Variants in DLGAP1 observed in about 807,000 individuals in gnomAD.
DLGAP1 encodes disks large-associated protein 1.
Under a neutral mutation model 90.8 loss-of-function variants are expected in DLGAP1, and 11 were observed. That is an observed-to-expected ratio of 0.12 (90% CI 0.08 to 0.20). The LOEUF (loss-of-function observed/expected upper bound fraction) is 0.20, where lower values mean the gene tolerates loss of function less well. DLGAP1 is among the 10% of genes least tolerant of loss of function. The pLI is 1.00. For synonymous variants in DLGAP1, 558 were observed against 540.7 expected, an observed-to-expected ratio of 1.03 and a Z score of -0.44; for missense variants, 1,050 against 1,333.8, an observed-to-expected ratio of 0.79 and a Z score of 3.31.
chr18:3,824,949 C>T (rs975362172), intron 4 of DLGAP1, among the ~76,000 whole-genome samples: 1 of 152,222 alleles, frequency 6.6e-6, no homozygotes, highest in Non-Finnish European at 1.5e-5. Context: ...TCCTCATGCA[C>T]ATGTGTGATT....
chr18:3,948,747 C>T (rs879653888), intron 3 of DLGAP1, among the ~76,000 whole-genome samples: 4 of 151,972 alleles, frequency 2.6e-5, no homozygotes, highest in Non-Finnish European at 5.9e-5. Flanking sequence ...AAGAATGATA[C>T]AATGGACTTG....
In DLGAP1 at chr18:4,227,540, G is replaced by A. The variant is rs367707755; in HGVS notation, c.-266-76253C>T. ...TGTAATAAAACTAGAAATCAATAAT[G>A]AGAAATTTTTAAAACTATGCAAACA... On this transcript the variant is annotated intron_variant, in intron 1 of 12. Coordinates refer to ENST00000315677, the MANE Select transcript of DLGAP1 (RefSeq NM_004746.4). 2.2e-3 allele frequency among the ~76,000 whole-genome samples: 327 copies of A among 151,886 alleles called. 2 individuals carry two copies. Among genetic ancestry groups the A allele is most frequent in the African/African-American group, 7.7e-3 (318 of 41,482 alleles).
chr18:4,241,999 T>C (rs2078544830), intron 1 of DLGAP1, among the ~76,000 whole-genome samples: 4 of 152,226 alleles, frequency 2.6e-5, no homozygotes, highest in Admixed American at 2.6e-4. Flanking sequence ...GTCATTTATC[T>C]GGGATGGTCA....
intron 7 of DLGAP1, among the ~76,000 whole-genome samples, chr18:3,681,634 T>C (rs942854725): frequency 1.3e-5 from 2 of 152,194 alleles, no homozygotes; most frequent in African/African-American, 4.8e-5. Context: ...AGCTGTGTGA[T>C]TACTAAGAGA....
Position 4,318,626 on chromosome 18 carries a change from G to A in DLGAP1, c.-267+136380C>T, listed in dbSNP as rs144468176. ...TTCCATCTTGAGAAAAAGAAATCAG[G>A]GATAGCAAGGTCTCCTTTATTTATT... On this transcript the variant is annotated intron_variant, in intron 1 of 12. Transcript: ENST00000315677. Among the ~76,000 whole-genome samples the A allele has an allele frequency of 2.7e-3, 412 of 151,982 alleles. 1 individual carries two copies. The highest frequency in any genetic ancestry group is 3.9e-3 in the Non-Finnish European group (264 of 67,978).
chr18:4,287,862 T>A (rs2079739295), intron 1 of DLGAP1, among the ~76,000 whole-genome samples: 1 of 150,970 alleles, frequency 6.6e-6, no homozygotes, highest in South Asian at 2.1e-4. Context: ...ATAAGAAAAA[T>A]TTTAAAAAAT....
chr18:3,987,233 C>T (rs1599273745), intron 3 of DLGAP1, among the ~76,000 whole-genome samples: 3 of 152,116 alleles, frequency 2.0e-5, no homozygotes, highest in Non-Finnish European at 2.9e-5. Flanking sequence ...GGGGAGATTG[C>T]TAATAGATAG....
rs76138039 is a variant in DLGAP1 at position 3,961,997 on chromosome 18, C to T, written c.-73+43119G>A. Among the ~76,000 whole-genome samples the T allele has an allele frequency of 2.4e-3, 366 of 152,168 alleles. 2 individuals carry two copies. The highest frequency in any genetic ancestry group is 8.3e-3 in the African/African-American group (343 of 41,502). On this transcript the variant is annotated intron_variant, in intron 3 of 12. Transcript: ENST00000315677. ...CACATACAGTAAAGGATCCCTTCGCCGTGTATTAACAGGTCATGGGCAACA... is the reference window on the plus strand; with the variant it reads ...CACATACAGTAAAGGATCCCTTCGCTGTGTATTAACAGGTCATGGGCAACA...
intron 3 of DLGAP1, among the ~76,000 whole-genome samples, chr18:3,980,188 G>C (rs2073695075): frequency 6.6e-6 from 1 of 152,042 alleles, no homozygotes; most frequent in African/African-American, 2.4e-5. Context: ...AAACAAAAAA[G>C]ATAATGGGAG....
rs914356831 is a variant in DLGAP1, at chr18:3,497,681, T to C, written c.*1504A>G. 2 of 152,262 alleles carry C rather than the reference T, an allele frequency of 1.3e-5. No homozygotes were observed. The highest frequency in any genetic ancestry group is 4.8e-5 in the African/African-American group (2 of 41,464). 9.4% of individuals were successfully genotyped at this position (152,262 alleles called of 1,614,324 possible). A position where few individuals can be genotyped will look rare whatever the true frequency, so the allele number is the denominator to read the frequency against. On this transcript the variant is annotated 3_prime_UTR_variant, in exon 13 of 13. Coordinates refer to ENST00000315677, the MANE Select transcript of DLGAP1 (RefSeq NM_004746.4). ...TTAGCTGGACATAAAATGCCATTGA[T>C]ACTTAAGATTGCCACATCCTAAGTG...
At chr18:3,999,345 G>A (rs1490728126) in intron 3 of DLGAP1, among the ~76,000 whole-genome samples, 1 of 151,942 alleles carries the variant, frequency 6.6e-6, no homozygotes, top group Non-Finnish European at 1.5e-5. Context: ...GCTTTGTTAG[G>A]TAATCTGGAA....
intron 1 of DLGAP1, among the ~76,000 whole-genome samples, chr18:4,185,906 T>C (rs575673819): frequency 6.6e-6 from 1 of 152,288 alleles, no homozygotes; most frequent in South Asian, 2.1e-4. Flanking sequence ...CCAGCAACAG[T>C]GTATTAGCAT....
chr18:4,271,247 T>G, intron 1 of DLGAP1, among the ~76,000 whole-genome samples: 1 of 152,284 alleles, frequency 6.6e-6, no homozygotes, highest in South Asian at 2.1e-4. Flanking sequence ...AGGACCAATA[T>G]TTTTGAAGCT....
chr18:3,981,923 C>T (rs2073739386), intron 3 of DLGAP1, among the ~76,000 whole-genome samples: 1 of 152,164 alleles, frequency 6.6e-6, no homozygotes, highest in Non-Finnish European at 1.5e-5. Context: ...TGTCTTATGA[C>T]AACTCTTCTG....
At chr18:3,543,271 C>T (rs1483647477) in intron 9 of DLGAP1, among the ~76,000 whole-genome samples, 5 of 149,614 alleles carry the variant, frequency 3.3e-5, no homozygotes, top group African/African-American at 1.2e-4. Flanking sequence ...CCCGCGTTCA[C>T]GCCATTCTCC....
At chr18:3,872,557 A>C (rs2070819748) in intron 4 of DLGAP1, among the ~76,000 whole-genome samples, 1 of 152,222 alleles carries the variant, frequency 6.6e-6, no homozygotes, top group South Asian at 2.1e-4. Flanking sequence ...TTGTCTTTGA[A>C]CCTAAACCCA....
rs946817753 is a variant in DLGAP1, at chr18:3,568,897, A to G, written c.1966-1316T>C. Among the ~76,000 whole-genome samples, 11 of 151,858 alleles carry G rather than the reference A, an allele frequency of 7.2e-5. No individual in the cohort carries two copies. The East Asian group carries it at 7.8e-4, about 11-fold the overall frequency. The stretch of plus-strand genomic sequence containing the variant: ...GAGACGGGGTTTCACTGTGTTAGCC[A>G]GGATGGTCTCGATCTCCTGACCTCG... On this transcript the variant is annotated intron_variant, in intron 8 of 12. Coordinates refer to ENST00000315677, the MANE Select transcript of DLGAP1 (RefSeq NM_004746.4).
At chr18:3,848,127 C>CAAAAAAAAAAAAAA (rs3862177) in intron 4 of DLGAP1, among the ~76,000 whole-genome samples, 34 of 32,076 alleles carry the variant, frequency 1.1e-3, no homozygotes, top group South Asian at 2.5e-3. Context: ...GGCCCCGTCT[C>CAAAAAAAAAAAAAA]AAAAAAAAAA....
At chr18:4,260,848 G>A (rs571450982) in intron 1 of DLGAP1, among the ~76,000 whole-genome samples, 2 of 152,262 alleles carry the variant, frequency 1.3e-5, no homozygotes, top group East Asian at 1.9e-4. Flanking sequence ...ATACACATAG[G>A]TTAAACAAAA....
Sources: gnomAD v4.1 joint callset for allele counts (sites outside exome capture counted in the v4.1 genomes callset) on GRCh38, gnomAD v4.1.1 for gene constraint, MANE v1.5 for transcripts, NCBI Gene and HGNC (gene_info 2026-07-23, HGNC 2026-07-21) for gene names.